Variants in GUCY2F observed in about 807,000 individuals in gnomAD.
The protein encoded by GUCY2F is guanylate cyclase 2F, retinal.
GUCY2F carries 61 observed loss-of-function variants against 73.1 expected under a neutral mutation model. The observed-to-expected ratio is 0.83, with a 90% CI of 0.68 to 1.03. The LOEUF is 1.03. Among genes scored for constraint, GUCY2F ranks in the 50% least tolerant of loss-of-function variants. The pLI is 0.00. For synonymous variants in GUCY2F, 331 were observed against 307.8 expected (o/e 1.08, Z -0.79); for missense variants, 912 against 854.3 (o/e 1.07, Z -0.84).
intron 8 of GUCY2F, among the ~76,000 whole-genome samples, chrX:109,424,229 G>T (rs1931432214): frequency 8.9e-6 from 1 of 112,099 alleles, no homozygotes; most frequent in African/African-American, 3.2e-5. Flanking sequence ...TAAAGAAATT[G>T]AATCTATTAT....
At chrX:109,465,927 A>G (rs1487359130) in intron 2 of GUCY2F, among the ~76,000 whole-genome samples, 2 of 112,182 alleles carry the variant, frequency 1.8e-5, no homozygotes, top group Non-Finnish European at 3.8e-5. Flanking sequence ...GCTACTATAT[A>G]CCTAAGAATT....
intron 13 of GUCY2F, among the ~76,000 whole-genome samples, chrX:109,392,499 G>A (rs933850948): frequency 8.9e-6 from 1 of 112,214 alleles, no homozygotes; most frequent in Non-Finnish European, 1.9e-5. Context: ...GGAAAACTTG[G>A]AAACTGTAGC....
intron 2 of GUCY2F, among the ~76,000 whole-genome samples, chrX:109,471,052 T>C (rs934463915): frequency 1.8e-5 from 2 of 112,185 alleles, no homozygotes; most frequent in African/African-American, 6.5e-5. Context: ...TTTATTGCTA[T>C]CTTTTTCTTA....
At chrX:109,456,903 A>G (rs1438348203) in intron 3 of GUCY2F, among the ~76,000 whole-genome samples, 1 of 111,550 alleles carries the variant, frequency 9.0e-6, no homozygotes, top group Non-Finnish European at 1.9e-5. Flanking sequence ...TGCCACAAAT[A>G]ACGAGAAAGA....
intron 15 of GUCY2F, among the ~76,000 whole-genome samples, chrX:109,386,829 A>G (rs1930447279): frequency 8.9e-6 from 1 of 112,011 alleles, no homozygotes; most frequent in South Asian, 3.8e-4. Flanking sequence ...GTGGGAAAAG[A>G]TGACTTGAAG....
At chrX:109,442,375 C>T (rs1931894177) in intron 6 of GUCY2F, among the ~76,000 whole-genome samples, 1 of 110,840 alleles carries the variant, frequency 9.0e-6, no homozygotes, top group Non-Finnish European at 1.9e-5. Context: ...TAGGAGTGCC[C>T]CTACCCTCAA....
chrX:109,475,808 G>A lies in GUCY2F; in HGVS notation c.129C>T (p.Ser43=), dbSNP rs773668633. The change falls in exon 2 of 20, where the codon TCC becomes TCT. Residue 43 remains serine (S), a synonymous_variant. Coordinates refer to ENST00000218006, the MANE Select transcript of GUCY2F (RefSeq NM_001522.3). ...GGAGTGTCCACACCTGCTGCGGAAG[G>A]GACATGACAGACAGAAGGCACAAGC... ...LWCLCLLSVM[S]LPQQVWTLPY... 1 of 1,211,035 alleles carries A rather than the reference G, an allele frequency of 8.3e-7. No individual in the cohort carries two copies. The highest frequency in any genetic ancestry group is 2.2e-5 in the Admixed American group (1 of 45,973).
intron 7 of GUCY2F, among the ~76,000 whole-genome samples, chrX:109,430,761 T>C (rs1931591467): frequency 8.9e-6 from 1 of 111,927 alleles, no homozygotes; most frequent in South Asian, 3.7e-4. Context: ...TTAATGGTGA[T>C]AGTTAGTGGT....
At position 109,398,553 on chromosome X, in the gene GUCY2F, A is replaced by G. The variant is rs749376675; in HGVS notation, c.2271T>C (p.Ala757=). 10 of 1,208,396 alleles carry G rather than the reference A, an allele frequency of 8.3e-6. No homozygotes were observed. In the South Asian group the frequency reaches 1.4e-4, roughly 17 times the overall value. ...GTPFCMMDLP[A]QEIINRLKKP... ...CTTTTCTCACCTCCCGCTTACCTTG[A>G]GCTGGCAGATCCATCATGCAGAATG... Residue 757 remains alanine, a synonymous_variant, in exon 11 of 20, where the codon GCT becomes GCC. Transcript: ENST00000218006.
intron 8 of GUCY2F, among the ~76,000 whole-genome samples, chrX:109,424,969 G>A (rs1021474073): frequency 2.7e-5 from 3 of 110,776 alleles, no homozygotes; most frequent in Non-Finnish European, 3.8e-5. Flanking sequence ...GTTTCACCAC[G>A]TTGGCCAGGC....
intron 15 of GUCY2F, among the ~76,000 whole-genome samples, chrX:109,388,236 C>T (rs1930480279): frequency 9.0e-6 from 1 of 111,307 alleles, no homozygotes; most frequent in African/African-American, 3.3e-5. Flanking sequence ...CATAGTCAAA[C>T]ATGGAAATAT....
chrX:109,419,266 A>G (rs1261482136), intron 8 of GUCY2F, among the ~76,000 whole-genome samples: 1 of 111,163 alleles, frequency 9.0e-6, no homozygotes, highest in Non-Finnish European at 1.9e-5. Context: ...GTATAGACTA[A>G]TTCTTCTTAA....
At position 109,404,376 on chromosome X, in the gene GUCY2F, C is replaced by T. The variant is rs779783238; in HGVS notation, c.2077G>A (p.Asp693Asn). 7 of 1,195,338 alleles carry T rather than the reference C, an allele frequency of 5.9e-6. No individual in the cohort carries two copies. The highest frequency in any genetic ancestry group is 1.7e-5 in the African/African-American group (1 of 57,552). The change falls in exon 10 of 20, where the codon GAC becomes AAC. Residue 693 changes from aspartate (D) to asparagine (N), a missense_variant. Physicochemically the swap from Asp to Asn is conservative, Grantham distance 23. Transcript: ENST00000218006. ...VLKVTDYGFNDILEMLRLSEE... is the reference protein window; with the variant it reads ...VLKVTDYGFNNILEMLRLSEE... ...GAGAGTCTCAGCATTTCTAAGATGTCGTTAAAGCCATAATCTGTCACTTTT... is the reference window on the plus strand; with the variant it reads ...GAGAGTCTCAGCATTTCTAAGATGTTGTTAAAGCCATAATCTGTCACTTTT...
intron 13 of GUCY2F, among the ~76,000 whole-genome samples, chrX:109,392,608 ACCT>A (rs1930593024): frequency 9.0e-6 from 1 of 111,161 alleles, no homozygotes; most frequent in African/African-American, 3.4e-5. Flanking sequence ...TAATCGGTCA[ACCT>A]CCTAGCAAAG....
intron 8 of GUCY2F, among the ~76,000 whole-genome samples, chrX:109,429,485 A>G (rs1383020395): frequency 9.0e-6 from 1 of 111,433 alleles, no homozygotes; most frequent in East Asian, 2.8e-4. Context: ...CCTATAGGGC[A>G]TGTCCTATCT....
At chrX:109,453,214 C>T (rs892137467) in intron 4 of GUCY2F, among the ~76,000 whole-genome samples, 3 of 111,186 alleles carry the variant, frequency 2.7e-5, no homozygotes, top group African/African-American at 9.8e-5. Context: ...AAGAAGAAGG[C>T]TAATGTCTTC....
chrX:109,409,198 C>T (rs1264898822), intron 8 of GUCY2F, 30 bp from the exon 9 acceptor site: 2 of 846,529 alleles, frequency 2.4e-6, no homozygotes, highest in Non-Finnish European at 3.5e-6. Flanking sequence ...ATGAGAGTCA[C>T]AGCTGTCCTG....
At chrX:109,446,553 G>T (rs1206448093) in intron 6 of GUCY2F, among the ~76,000 whole-genome samples, 1 of 110,399 alleles carries the variant, frequency 9.1e-6, no homozygotes, top group Non-Finnish European at 1.9e-5. Context: ...AAATGGTACT[G>T]GGAAAACTGG....
intron 5 of GUCY2F, among the ~76,000 whole-genome samples, chrX:109,451,530 G>A (rs371997063): frequency 1.3e-4 from 14 of 111,668 alleles, no homozygotes; most frequent in African/African-American, 3.9e-4. Flanking sequence ...CGTTCTAGGT[G>A]CTTTACTTAT....
Sources: gnomAD v4.1 joint callset for allele counts (sites outside exome capture counted in the v4.1 genomes callset) on GRCh38, gnomAD v4.1.1 for gene constraint, MANE v1.5 for transcripts, NCBI Gene and HGNC (gene_info 2026-07-23, HGNC 2026-07-21) for gene names.